The following NADK2 variants were observed in gnomAD, a reference collection of about 807,000 sequenced individuals.
NADK2 encodes the protein NAD kinase domain-containing protein 1, mitochondrial.
A neutral mutation model predicts 62.1 loss-of-function variants in NADK2; 35 were observed. The observed-to-expected ratio is 0.56, with a 90% CI of 0.43 to 0.75. NADK2 has a LOEUF of 0.75. Among genes scored for constraint, NADK2 ranks in the 30% least tolerant of loss-of-function variants. The pLI, the probability that NADK2 is intolerant of heterozygous loss-of-function variation, is 0.00. For missense variants in NADK2, 439 were observed against 561.3 expected, an observed-to-expected ratio of 0.78 and a Z score of 2.20; for synonymous variants, 205 against 207.9, an observed-to-expected ratio of 0.99 and a Z score of 0.12.
chr5:36,215,857 T>C (rs1275790959), intron 6 of NADK2, among the ~76,000 whole-genome samples: 1 of 152,204 alleles, frequency 6.6e-6, no homozygotes, highest in Admixed American at 6.5e-5. Flanking sequence ...GATGGACACT[T>C]TGACTCCATA....
intron 1 of NADK2, among the ~76,000 whole-genome samples, chr5:36,235,622 C>CACATACT (rs1747876159): frequency 6.6e-6 from 1 of 152,070 alleles, no homozygotes; most frequent in South Asian, 2.1e-4. Flanking sequence ...TCCATGCAGC[C>CACATACT]ACATACTACT....
At chr5:36,235,634 ACATTC>A (rs1747876603) in intron 1 of NADK2, among the ~76,000 whole-genome samples, 2 of 152,020 alleles carry the variant, frequency 1.3e-5, no homozygotes, top group African/African-American at 4.8e-5. Context: ...CATACTACTA[ACATTC>A]CTACATTAGC....
intron 8 of NADK2, among the ~76,000 whole-genome samples, chr5:36,201,520 G>A (rs1172879440): frequency 2.0e-5 from 3 of 151,654 alleles, no homozygotes; most frequent in Non-Finnish European, 4.4e-5. Flanking sequence ...AACTCAAATA[G>A]GTACCCATAG....
intron 8 of NADK2, 41 bp from the exon 9 acceptor site, chr5:36,201,202 A>T (rs1364276228): frequency 1.3e-6 from 2 of 1,531,904 alleles, no homozygotes; most frequent in Non-Finnish European, 1.8e-6. Context: ...TTAATTCTAA[A>T]AACATGCTAA....
chr5:36,234,331 C>T (rs1234858255), intron 1 of NADK2, among the ~76,000 whole-genome samples: 2 of 144,726 alleles, frequency 1.4e-5, no homozygotes, highest in Non-Finnish European at 3.0e-5. Flanking sequence ...CGAGATCGCG[C>T]CACTGCACTC....
upstream of NADK2, chr5:36,241,932 G>T: frequency 2.7e-6 from 2 of 732,154 alleles, no homozygotes; most frequent in Non-Finnish European, 3.5e-6. The surrounding 1 kb of genome is among the most constrained non-coding windows in gnomAD (Gnocchi z 4.9). Context: ...GTGCCAGGAC[G>T]TGCGTGGCCC....
At chr5:36,198,593 T>G (rs1746318942) in intron 10 of NADK2, among the ~76,000 whole-genome samples, 1 of 148,210 alleles carries the variant, frequency 6.7e-6, no homozygotes, top group Non-Finnish European at 1.5e-5. Context: ...TTTATATATA[T>G]ATAGATATAA....
At chr5:36,220,089 T>C (rs749472172) in intron 4 of NADK2, among the ~76,000 whole-genome samples, 14 of 152,222 alleles carry the variant, frequency 9.2e-5, no homozygotes, top group Admixed American at 3.9e-4. Context: ...CACTTTAGCA[T>C]CAGCTTCCTC....
At chr5:36,203,620 A>C (rs947613859) in intron 8 of NADK2, among the ~76,000 whole-genome samples, 3 of 152,110 alleles carry the variant, frequency 2.0e-5, no homozygotes, top group Admixed American at 1.3e-4. Context: ...ATTTTAATCT[A>C]ACCCATACTT....
chr5:36,236,867 C>CAAAAAAAAAAAAA lies in NADK2; in HGVS notation c.300+4619_300+4631dup, dbSNP rs5867308. Among the ~76,000 whole-genome samples, 2 of 95,706 alleles carry CAAAAAAAAAAAAA rather than the reference C, an allele frequency of 2.1e-5. 1 individual carries two copies. The highest frequency in any genetic ancestry group is 4.0e-5 in the Non-Finnish European group (2 of 50,472). The allele number at this position is 95,706 out of a possible 152,430, so 62.8% of individuals were successfully genotyped here. A position where few individuals can be genotyped will look rare whatever the true frequency, so the allele number is the denominator to read the frequency against. On this transcript the variant is annotated intron_variant, in intron 1 of 11. Coordinates refer to ENST00000381937, the MANE Select transcript of NADK2 (RefSeq NM_001085411.3). ...AGAGAGTAATGTCTGAGCTTAACCT[C>CAAAAAAAAAAAAA]AAAAAAAAAAAAAAAAAAAACAGGA...
chr5:36,234,897 C>T (rs1276791496), intron 1 of NADK2, among the ~76,000 whole-genome samples: 1 of 152,154 alleles, frequency 6.6e-6, no homozygotes, highest in Non-Finnish European at 1.5e-5. Flanking sequence ...AAATTGTTCT[C>T]TCCCTTCCCT....
Position 36,241,784 on chromosome 5 carries a change from T to A in NADK2, c.15A>T (p.Arg5=). 1 of 1,340,660 alleles carries A rather than the reference T, an allele frequency of 7.5e-7. No homozygotes were observed. Among genetic ancestry groups the A allele is most frequent in the Non-Finnish European group, 9.6e-7 (1 of 1,041,508 alleles). The allele number at this position is 1,340,660 out of a possible 1,614,324, so 83.0% of individuals were successfully genotyped here. The change falls in exon 1 of 12, where the codon CGA becomes CGT. Residue 5 remains arginine (R), a synonymous_variant. Coordinates refer to ENST00000381937, the MANE Select transcript of NADK2 (RefSeq NM_001085411.3). This position sits in a 1 kb window ranked among gnomAD's most constrained non-coding sequence, Gnocchi z 4.9. ...GACAACAGCTGCCCAGCAAGAAGCC[T>A]CGGTAGCAAGTCATCGTGGGCCGGG... The part of the protein sequence containing the change: MTCY[R]GFLLGSCCRV...
At chr5:36,230,566 C>T (rs1371158949) in intron 1 of NADK2, among the ~76,000 whole-genome samples, 1 of 152,194 alleles carries the variant, frequency 6.6e-6, no homozygotes, top group African/African-American at 2.4e-5. Flanking sequence ...GGCCTAAGTA[C>T]TAGCTAAGTA....
At chr5:36,214,435 C>G (rs1349091610) in intron 6 of NADK2, among the ~76,000 whole-genome samples, 1 of 152,162 alleles carries the variant, frequency 6.6e-6, no homozygotes. Context: ...CCACCTCGGC[C>G]TCTCAAAGTG....
intron 4 of NADK2, chr5:36,221,860 T>C (rs1747281970): frequency 6.6e-6 from 1 of 152,184 alleles, no homozygotes; most frequent in South Asian, 2.1e-4. Context: ...AAAACCCAAA[T>C]GCATCAACAC....
In NADK2 at chr5:36,220,683, A is replaced by G. The variant is rs10512642; in HGVS notation, c.561-1004T>C. Among the ~76,000 whole-genome samples the G allele has an allele frequency of 0.012, 1,854 of 152,340 alleles. 156 individuals carry two copies. In the East Asian group the frequency reaches 0.21, roughly 18 times the overall value. ...AAAGGTATCAACAGTCATTTGATAG[A>G]ATAATACCTGCTGAGGTCAACTGCA... On this transcript the variant is annotated intron_variant, in intron 4 of 11. Coordinates refer to ENST00000381937, the MANE Select transcript of NADK2 (RefSeq NM_001085411.3).
At position 36,207,235 on chromosome 5, in the gene NADK2, A is replaced by G. The variant is rs761041760; in HGVS notation, c.891T>C (p.Asp297=). 33 of 1,612,872 alleles carry G rather than the reference A, an allele frequency of 2.0e-5. No homozygotes were observed. The highest frequency in any genetic ancestry group is 2.8e-5 in the Non-Finnish European group (33 of 1,179,316). Residue 297 remains aspartate, a synonymous_variant, in exon 8 of 12, where the codon GAT becomes GAC. Coordinates refer to ENST00000381937, the MANE Select transcript of NADK2 (RefSeq NM_001085411.3). Reference sequence around the variant, plus strand: ...AACTCTTCTGTTTTTCCCATGGACCATCATCAACTGAAATCTCATAGTAGG... The same window carrying G: ...AACTCTTCTGTTTTTCCCATGGACCGTCATCAACTGAAATCTCATAGTAGG... The part of the protein sequence containing the change: ...RASYYEISVD[D]GPWEKQKSSG...
intron 6 of NADK2, among the ~76,000 whole-genome samples, chr5:36,215,085 A>C (rs1746993009): frequency 6.6e-6 from 1 of 152,158 alleles, no homozygotes; most frequent in African/African-American, 2.4e-5. Context: ...GTATCTGCAG[A>C]GGGTCCTAGA....
chr5:36,193,511 C>G lies in NADK2; in HGVS notation c.*1633G>C, dbSNP rs1191145751. On this transcript the variant is annotated 3_prime_UTR_variant, in exon 12 of 12. Coordinates refer to ENST00000381937, the MANE Select transcript of NADK2 (RefSeq NM_001085411.3). ...AAAAAAAAAAGAAGGTATTTTAAGC[C>G]TGTTAGGGGAGGTTCTATAGTATGG... 1 of 149,274 alleles carries G rather than the reference C, an allele frequency of 6.7e-6. No individual in the cohort carries two copies. Among genetic ancestry groups the G allele is most frequent in the Admixed American group, 6.7e-5 (1 of 14,938 alleles). The allele number at this position is 149,274 out of a possible 1,614,324, so 9.2% of individuals were successfully genotyped here.
Sources: allele counts gnomAD v4.1 joint callset (sites outside exome capture counted in the v4.1 genomes callset), GRCh38; gene constraint gnomAD v4.1.1; non-coding constraint Gnocchi (gnomAD v3.1); transcripts MANE v1.5; gene names NCBI Gene and HGNC (gene_info 2026-07-23, HGNC 2026-07-21).